Variants in THSD7A observed in about 807,000 individuals in gnomAD.
THSD7A encodes the protein thrombospondin type-1 domain-containing protein 7A.
Under a neutral mutation model 231.3 loss-of-function variants are expected in THSD7A, and 96 were observed. The ratio of observed to expected loss-of-function variants is 0.41; its 90% confidence interval spans 0.35 to 0.49. The LOEUF (loss-of-function observed/expected upper bound fraction) is 0.49, where lower values mean the gene tolerates loss of function less well. Ranked by LOEUF, THSD7A falls within the 20% of genes least tolerant of loss-of-function variation. THSD7A has a pLI of 0.05. For synonymous variants in THSD7A, 940 were observed against 743.3 expected (o/e 1.26, Z -4.30); for missense variants, 2,290 against 2,070.2 (o/e 1.11, Z -2.06).
At chr7:11,827,262 T>C (rs1562583302) in intron 1 of THSD7A, among the ~76,000 whole-genome samples, 2 of 152,198 alleles carry the variant, frequency 1.3e-5, no homozygotes, top group South Asian at 4.1e-4. Flanking sequence ...GAGACTTACA[T>C]ACCACTTAGT....
At chr7:11,426,188 C>T (rs1038822599) in intron 15 of THSD7A, among the ~76,000 whole-genome samples, 1 of 152,044 alleles carries the variant, frequency 6.6e-6, no homozygotes, top group African/African-American at 2.4e-5. Context: ...TAAAACATTA[C>T]CCTACAACTT....
At chr7:11,438,121 C>T (rs1255312580) in intron 13 of THSD7A, among the ~76,000 whole-genome samples, 3 of 151,882 alleles carry the variant, frequency 2.0e-5, no homozygotes, top group Admixed American at 2.0e-4. Flanking sequence ...AACAGTGTTT[C>T]ATATTTACAG....
Position 11,590,384 on chromosome 7 carries a change from G to A in THSD7A, c.1453+76C>T. On this transcript the variant is annotated intron_variant, in intron 4 of 27. Coordinates refer to ENST00000423059, the MANE Select transcript of THSD7A (RefSeq NM_015204.3). This position sits in a 1 kb window ranked among gnomAD's most constrained non-coding sequence, Gnocchi z 4.4. ...CAGCCCTCATAACCTGGATGGCTGT[G>A]TATATATCCCTTCAGAGCAATCACA... 2 of 1,488,310 alleles carry A rather than the reference G, an allele frequency of 1.3e-6. No individual in the cohort carries two copies. Among genetic ancestry groups the A allele is most frequent in the East Asian group, 2.3e-5 (1 of 43,386 alleles). The allele number at this position is 1,488,310 out of a possible 1,614,324, so 92.2% of individuals were successfully genotyped here.
Position 11,634,305 on chromosome 7 carries a change from A to G in THSD7A, c.1022+1825T>C, listed in dbSNP as rs1766925932. 6.6e-6 allele frequency among the ~76,000 whole-genome samples: 1 copy of G among 152,194 alleles called. No individual in the cohort carries two copies. Among genetic ancestry groups the G allele is most frequent in the Non-Finnish European group, 1.5e-5 (1 of 68,018 alleles). On this transcript the variant is annotated intron_variant, in intron 2 of 27. Transcript: ENST00000423059. The surrounding 1 kb of genome is among the most constrained non-coding windows in gnomAD (Gnocchi z 4.1). ...TAAATATGTTTGTTTAATTCAAACA[A>G]CTGGATGAGAATATTAGGCTCTATG... is the stretch of plus-strand genomic sequence containing the variant.
intron 1 of THSD7A, among the ~76,000 whole-genome samples, chr7:11,686,162 C>G (rs1215453367): frequency 6.6e-6 from 1 of 151,640 alleles, no homozygotes; most frequent in Non-Finnish European, 1.5e-5. Context: ...AAGATGGGAA[C>G]AATAGACACT....
chr7:11,572,406 C>T (rs903041489), intron 4 of THSD7A, among the ~76,000 whole-genome samples: 3 of 152,184 alleles, frequency 2.0e-5, no homozygotes, highest in Non-Finnish European at 4.4e-5. Flanking sequence ...AGAGTTTGTA[C>T]ATTCTTGAAT....
intron 6 of THSD7A, among the ~76,000 whole-genome samples, chr7:11,529,147 T>G (rs1788598377): frequency 6.6e-6 from 1 of 152,180 alleles, no homozygotes; most frequent in African/African-American, 2.4e-5. Context: ...ATACTTTTTA[T>G]AAGTTTGGTC....
At chr7:11,649,062 C>T (rs1231533447) in intron 1 of THSD7A, among the ~76,000 whole-genome samples, 6 of 151,858 alleles carry the variant, frequency 4.0e-5, no homozygotes, top group African/African-American at 1.5e-4. Context: ...TGAGATATTG[C>T]CAAAATATTT....
Position 11,636,879 on chromosome 7 carries a change from T to C in THSD7A, c.273A>G (p.Gly91=). 1 of 1,613,894 alleles carries C rather than the reference T, an allele frequency of 6.2e-7. No individual in the cohort carries two copies. The highest frequency in any genetic ancestry group is 2.2e-5 in the East Asian group (1 of 44,856). ...TACAGTTAGTATGCAGTGTAGTCCA[T>C]CCCTCCACATGAGCACACCACACAG... is the stretch of plus-strand genomic sequence containing the variant. The part of the protein sequence containing the change: ...TRAVWCAHVE[G]WTTLHTNCKQ... The change falls in exon 2 of 28, where the codon GGA becomes GGG. Residue 91 remains glycine, a synonymous_variant. Transcript: ENST00000423059. The surrounding 1 kb of genome is among the most constrained non-coding windows in gnomAD (Gnocchi z 10.0).
chr7:11,525,665 A>G (rs976850419), intron 6 of THSD7A, among the ~76,000 whole-genome samples: 1 of 152,158 alleles, frequency 6.6e-6, no homozygotes, highest in East Asian at 1.9e-4. Context: ...AATTTTCCCA[A>G]TAATTATAAA....
intron 7 of THSD7A, among the ~76,000 whole-genome samples, chr7:11,478,717 T>C (rs1462822820): frequency 2.0e-5 from 3 of 152,142 alleles, no homozygotes; most frequent in African/African-American, 7.2e-5. Flanking sequence ...TAATTAATCC[T>C]AACATTTTCA....
chr7:11,646,526 A>C (rs2128366161), intron 1 of THSD7A, among the ~76,000 whole-genome samples: 1 of 152,174 alleles, frequency 6.6e-6, no homozygotes, highest in Non-Finnish European at 1.5e-5. Context: ...GGTGTCAAAG[A>C]ATAGCACTAA....
intron 1 of THSD7A, among the ~76,000 whole-genome samples, chr7:11,778,090 G>A (rs1156400786): frequency 1.5e-5 from 2 of 134,374 alleles, no homozygotes; most frequent in Admixed American, 8.2e-5. Flanking sequence ...CCGGGAGGCG[G>A]AGCTTGCAGT....
chr7:11,502,687 GA>G (rs1787386302), intron 6 of THSD7A, among the ~76,000 whole-genome samples: 2 of 152,000 alleles, frequency 1.3e-5, no homozygotes, highest in South Asian at 4.1e-4. Context: ...AACCAAATCA[GA>G]AAGGGAATCC....
intron 14 of THSD7A, among the ~76,000 whole-genome samples, chr7:11,427,062 G>A (rs78747965): frequency 2.4e-3 from 372 of 152,220 alleles, no homozygotes; most frequent in African/African-American, 8.4e-3. Context: ...TGATCTATCC[G>A]TTGATTTACC....
intron 4 of THSD7A, among the ~76,000 whole-genome samples, chr7:11,569,764 G>T (rs980677361): frequency 2.6e-5 from 4 of 152,126 alleles, no homozygotes; most frequent in Non-Finnish European, 4.4e-5. Context: ...CCAAGATTTG[G>T]AATTAACCTA....
At chr7:11,430,583 C>T (rs1390989611) in intron 13 of THSD7A, among the ~76,000 whole-genome samples, 1 of 152,082 alleles carries the variant, frequency 6.6e-6, no homozygotes, top group African/African-American at 2.4e-5. Context: ...ACCTCAGCCT[C>T]TTAAGTAGCT....
intron 1 of THSD7A, among the ~76,000 whole-genome samples, chr7:11,721,970 T>C (rs1298328359): frequency 2.0e-5 from 3 of 151,844 alleles, no homozygotes; most frequent in Non-Finnish European, 4.4e-5. Flanking sequence ...ATACGCTCTT[T>C]CCCTTGCTTC....
At chr7:11,412,950 A>G in intron 17 of THSD7A, 150 bp from the exon 18 acceptor site, 2 of 796,438 alleles carry the variant, frequency 2.5e-6, no homozygotes, top group East Asian at 2.7e-5. Flanking sequence ...CAGTTGTTCA[A>G]TGTATAAAAT....
Sources: allele counts gnomAD v4.1 joint callset (sites outside exome capture counted in the v4.1 genomes callset), GRCh38; gene constraint gnomAD v4.1.1; non-coding constraint Gnocchi (gnomAD v3.1); transcripts MANE v1.5; gene names NCBI Gene and HGNC (gene_info 2026-07-23, HGNC 2026-07-21).